Variants in STON1 observed in about 807,000 individuals in gnomAD.
The protein encoded by STON1 is stonin-1.
In STON1, 79 loss-of-function variants were observed where a neutral mutation model predicts 60.9. That is an observed-to-expected ratio of 1.30 (90% CI 1.08 to 1.56). The LOEUF (loss-of-function observed/expected upper bound fraction) is 1.56. Ranked by LOEUF, STON1 falls within the 40% of genes most tolerant of loss-of-function variation. The probability of loss-of-function intolerance (pLI) is 0.00; values close to 1 mark genes in which losing one functional copy is unlikely to be tolerated. For missense variants in STON1, 1,166 were observed against 858.9 expected (o/e 1.36, Z -4.47); for synonymous variants, 363 against 306.9 (o/e 1.18, Z -1.91).
intron 3 of STON1, among the ~76,000 whole-genome samples, chr2:48,592,570 T>G (rs1674582081): frequency 6.7e-6 from 1 of 150,152 alleles, no homozygotes. Context: ...TAACTGGGAT[T>G]ACAGCCACCC....
At chr2:48,538,307 T>C (rs1558567265) in intron 1 of STON1, among the ~76,000 whole-genome samples, 1 of 152,168 alleles carries the variant, frequency 6.6e-6, no homozygotes, top group Non-Finnish European at 1.5e-5. Flanking sequence ...ATTATCTGTT[T>C]CTTAAAATTT....
At chr2:48,590,241 T>C (rs758972072) in intron 2 of STON1, among the ~76,000 whole-genome samples, 3 of 152,222 alleles carry the variant, frequency 2.0e-5, no homozygotes, top group Non-Finnish European at 2.9e-5. Flanking sequence ...TGTCCTACCC[T>C]TCCTGTAAGT....
At chr2:48,533,922 A>C (rs1476135584) in intron 1 of STON1, among the ~76,000 whole-genome samples, 2 of 151,846 alleles carry the variant, frequency 1.3e-5, no homozygotes, top group Non-Finnish European at 2.9e-5. Flanking sequence ...GGCATGTGCC[A>C]CCATGCCTGG....
chr2:48,556,244 G>C (rs1346939987), intron 1 of STON1, among the ~76,000 whole-genome samples: 1 of 29,072 alleles, frequency 3.4e-5, no homozygotes, highest in Non-Finnish European at 7.6e-5. Context: ...CCTCCCGGAC[G>C]GGGCGGCTGG....
At chr2:48,564,471 TTC>T (rs1321363924) in intron 1 of STON1, among the ~76,000 whole-genome samples, 32 of 51,136 alleles carry the variant, frequency 6.3e-4, no homozygotes, top group African/African-American at 1.6e-3. Context: ...CTTCTTCTTC[TTC>T]TTCTTCTTTC....
At chr2:48,587,283 G>GTATTTATT (rs10557905) in intron 2 of STON1, among the ~76,000 whole-genome samples, 3 of 151,212 alleles carry the variant, frequency 2.0e-5, no homozygotes, top group Non-Finnish European at 2.9e-5. Context: ...TCTCCCATGA[G>GTATTTATT]TATTTATTTA....
chr2:48,552,336 G>A (rs1672139001), intron 1 of STON1, among the ~76,000 whole-genome samples: 1 of 152,204 alleles, frequency 6.6e-6, no homozygotes, highest in Admixed American at 6.5e-5. Context: ...TGGTTGCAGG[G>A]GCTGGAGAGA....
At chr2:48,543,516 T>C (rs971641626) in intron 1 of STON1, among the ~76,000 whole-genome samples, 1 of 151,632 alleles carries the variant, frequency 6.6e-6, no homozygotes, top group Non-Finnish European at 1.5e-5. Flanking sequence ...CTTTATTTCA[T>C]TTTTAAAGAT....
In STON1 at chr2:48,555,512, C is replaced by A. The variant is rs1158572501; in HGVS notation, c.-47-25075C>A. On this transcript the variant is annotated intron_variant, in intron 1 of 3. Transcript: ENST00000404752. ...GCCGGGTGGGGGGCTGACCCCCCCA[C>A]CTCCCTCACGGACGAGGCGGCTGGC... 2.0e-4 allele frequency among the ~76,000 whole-genome samples: 18 copies of A among 88,418 alleles called. 1 individual carries two copies. The highest frequency in any genetic ancestry group is 3.8e-4 in the Non-Finnish European group (16 of 42,598). The allele number at this position is 88,418 out of a possible 152,430, so 58.0% of individuals were successfully genotyped here.
chr2:48,538,935 G>T (rs1394744049), intron 1 of STON1, among the ~76,000 whole-genome samples: 1 of 151,892 alleles, frequency 6.6e-6, no homozygotes, highest in African/African-American at 2.4e-5. Context: ...TGATTTTTTA[G>T]AGATGGGATC....
At chr2:48,579,192 A>T (rs1320669458) in intron 1 of STON1, among the ~76,000 whole-genome samples, 1 of 151,458 alleles carries the variant, frequency 6.6e-6, no homozygotes, top group East Asian at 2.0e-4. Context: ...TTTAGTAGAG[A>T]TGGGGTTTCT....
chr2:48,554,674 C>G (rs368744501), intron 1 of STON1, among the ~76,000 whole-genome samples: 32 of 151,436 alleles, frequency 2.1e-4, no homozygotes, highest in African/African-American at 7.5e-4. Flanking sequence ...TTGGCTCCCA[C>G]GTATGCGTTT....
chr2:48,536,892 A>G (rs1230200419), intron 1 of STON1, among the ~76,000 whole-genome samples: 2 of 152,156 alleles, frequency 1.3e-5, no homozygotes, highest in African/African-American at 4.8e-5. Flanking sequence ...ATTTTAAACA[A>G]TATCTTTTGT....
chr2:48,540,129 G>A (rs74806645), intron 1 of STON1, among the ~76,000 whole-genome samples: 11,611 of 152,008 alleles, frequency 0.076, 592 homozygotes, highest in Non-Finnish European at 0.11. Context: ...CTCTGTTTCT[G>A]GTACCTGGAG....
intron 2 of STON1, 148 bp downstream of exon 2, chr2:48,582,711 C>A: frequency 7.4e-7 from 1 of 1,357,500 alleles, no homozygotes. Flanking sequence ...TTTAGCTAAA[C>A]AGCTGGTTTA....
chr2:48,589,960 G>T (rs1005749926), intron 2 of STON1, among the ~76,000 whole-genome samples: 3 of 152,140 alleles, frequency 2.0e-5, no homozygotes, highest in Non-Finnish European at 2.9e-5. Context: ...CCCTTATAAG[G>T]TTCAGGTTAT....
At chr2:48,551,815 A>G (rs1052019906) in intron 1 of STON1, among the ~76,000 whole-genome samples, 1 of 152,234 alleles carries the variant, frequency 6.6e-6, no homozygotes, top group Admixed American at 6.5e-5. Flanking sequence ...GAACCCAGGC[A>G]TGAATAAGAT....
At chr2:48,563,784 T>G (rs1365830150) in intron 1 of STON1, among the ~76,000 whole-genome samples, 1 of 151,956 alleles carries the variant, frequency 6.6e-6, no homozygotes, top group East Asian at 1.9e-4. Flanking sequence ...GCGTCAACCT[T>G]CCAGGTTCAA....
chr2:48,583,209 C>A (rs1674000830), intron 2 of STON1, among the ~76,000 whole-genome samples: 1 of 152,316 alleles, frequency 6.6e-6, no homozygotes, highest in Middle Eastern at 3.4e-3. Flanking sequence ...CTGCTTCAGC[C>A]TCCTCAGTAC....
Sources: allele counts gnomAD v4.1 joint callset (sites outside exome capture counted in the v4.1 genomes callset), GRCh38; gene constraint gnomAD v4.1.1; transcripts MANE v1.5; gene names NCBI Gene and HGNC (gene_info 2026-07-23, HGNC 2026-07-21).